Variants in C2orf72 observed in about 807,000 individuals in gnomAD.
The protein encoded by C2orf72 is chromosome 2 open reading frame 72.
Under a neutral mutation model 14.4 loss-of-function variants are expected in C2orf72, and 16 were observed. The ratio of observed to expected loss-of-function variants is 1.11; its 90% CI spans 0.75 to 1.69. The LOEUF (loss-of-function observed/expected upper bound fraction) is 1.69, where lower values mean the gene tolerates loss of function less well. Ranked by LOEUF, C2orf72 falls within the 40% of genes most tolerant of loss-of-function variation. The pLI is 0.00. For missense variants in C2orf72, 371 were observed against 358.3 expected (o/e 1.04, Z -0.29); for synonymous variants, 168 against 176.8 (o/e 0.95, Z 0.40).
Position 231,048,742 on chromosome 2 carries a change from C to G in C2orf72, c.*1721C>G, listed in dbSNP as rs1159073033. ...TTTTGGCAGTGGGCCTCATTTTAATCCTGCAGGGCTGCCTGCCAGTGGATC... is the reference window on the plus strand; with the variant it reads ...TTTTGGCAGTGGGCCTCATTTTAATGCTGCAGGGCTGCCTGCCAGTGGATC... On this transcript the variant is annotated 3_prime_UTR_variant, in exon 3 of 3. Coordinates refer to ENST00000373640, the MANE Select transcript of C2orf72 (RefSeq NM_001144994.2). The G allele has an allele frequency of 1.3e-5, 2 of 152,234 alleles. No individual in the cohort carries two copies. The highest frequency in any genetic ancestry group is 1.5e-5 in the Non-Finnish European group (1 of 68,058). 9.4% of individuals were successfully genotyped at this position (152,234 alleles called of 1,614,324 possible).
intron 2 of C2orf72, among the ~76,000 whole-genome samples, chr2:231,041,758 A>G (rs533770171): frequency 2.0e-5 from 3 of 152,126 alleles, no homozygotes; most frequent in African/African-American, 7.2e-5. Context: ...AGCAAGTGAT[A>G]TTTGATCCGG....
chr2:231,045,683 T>C (rs532639580), intron 2 of C2orf72, among the ~76,000 whole-genome samples: 79 of 152,110 alleles, frequency 5.2e-4, no homozygotes, highest in Non-Finnish European at 6.8e-4. Context: ...CACGCCCAGC[T>C]AATTTTTTGT....
At position 231,046,997 on chromosome 2, in the gene C2orf72, T is replaced by G. The variant is rs750372363; in HGVS notation, c.864T>G (p.Ala288=). The G allele has an allele frequency of 6.4e-7, 1 of 1,551,704 alleles. No homozygotes were observed. The highest frequency in any genetic ancestry group is 8.7e-7 in the Non-Finnish European group (1 of 1,146,984). Residue 288 remains alanine (A), a synonymous_variant, in exon 3 of 3, where the codon GCT becomes GCG. Transcript: ENST00000373640. ...GTGATGGAGTCGTACACACTCCTGC[T>G]GAGCCCACCGGAGACTCAAGATGAA... ...KACDGVVHTP[A]EPTGDSR
chr2:231,044,906 A>G (rs1404545602), intron 2 of C2orf72, among the ~76,000 whole-genome samples: 1 of 146,764 alleles, frequency 6.8e-6, no homozygotes, highest in Non-Finnish European at 1.5e-5. Context: ...AACTATATAT[A>G]TATATAAACT....
intron 2 of C2orf72, among the ~76,000 whole-genome samples, chr2:231,045,288 T>TAG (rs1559210034): frequency 2.0e-5 from 3 of 151,396 alleles, no homozygotes; most frequent in East Asian, 3.9e-4. Flanking sequence ...ATTTTATATA[T>TAG]ATAGAGAGAG....
intron 2 of C2orf72, among the ~76,000 whole-genome samples, chr2:231,046,201 G>T: frequency 6.6e-6 from 1 of 151,964 alleles, no homozygotes; most frequent in South Asian, 2.1e-4. Flanking sequence ...GTAACATTTT[G>T]CAAAACTATA....
At chr2:231,046,423 T>C (rs1400883454) in intron 2 of C2orf72, among the ~76,000 whole-genome samples, 2 of 151,976 alleles carry the variant, frequency 1.3e-5, no homozygotes, top group Admixed American at 6.6e-5. Context: ...ACCAGTCCCA[T>C]TGTTGGACAT....
Position 231,037,901 on chromosome 2 carries a change from C to A in C2orf72, c.336C>A (p.Arg112=). Residue 112 remains arginine, a synonymous_variant, in exon 1 of 3, where the codon CGC becomes CGA. Transcript: ENST00000373640. ...IRSPLVFVLC[R]ASSLAAREPR... The stretch of plus-strand genomic sequence containing the variant: ...CGCCGCTGGTCTTCGTGCTGTGCCG[C>A]GCGTCGTCGCTGGCCGCCCGGGAGC... The A allele has an allele frequency of 9.8e-7, 1 of 1,020,196 alleles. No individual in the cohort carries two copies. 63.2% of individuals were successfully genotyped at this position (1,020,196 alleles called of 1,614,324 possible).
At position 231,047,619 on chromosome 2, in the gene C2orf72, CAA is replaced by C. The variant is rs2125139764; in HGVS notation, c.*599_*600del. On this transcript the variant is annotated 3_prime_UTR_variant, in exon 3 of 3. Coordinates refer to ENST00000373640, the MANE Select transcript of C2orf72 (RefSeq NM_001144994.2). ...CCCCTGGCATCTAGTGGGCATCCCA[CAA>C]TGTGCAGAACAGTCTCTGACAGCAA... 4.5e-6 allele frequency: 1 copy of C among 222,726 alleles called. No individual in the cohort carries two copies. Among genetic ancestry groups the C allele is most frequent in the African/African-American group, 2.3e-5 (1 of 44,268 alleles). 13.8% of individuals were successfully genotyped at this position (222,726 alleles called of 1,614,324 possible). A position where few individuals can be genotyped will look rare whatever the true frequency, so the allele number is the denominator to read the frequency against.
chr2:231,043,576 A>G (rs1693372198), intron 2 of C2orf72, among the ~76,000 whole-genome samples: 1 of 152,232 alleles, frequency 6.6e-6, no homozygotes, highest in Non-Finnish European at 1.5e-5. Flanking sequence ...GATATTTAAA[A>G]TGTTTAATTG....
At chr2:231,044,977 A>T in intron 2 of C2orf72, among the ~76,000 whole-genome samples, 1 of 149,854 alleles carries the variant, frequency 6.7e-6, no homozygotes, top group Non-Finnish European at 1.5e-5. Flanking sequence ...ACACACACAC[A>T]TATAAGTAGA....
chr2:231,046,466 T>C (rs1693417510), intron 2 of C2orf72, among the ~76,000 whole-genome samples: 1 of 152,208 alleles, frequency 6.6e-6, no homozygotes, highest in Admixed American at 6.5e-5. Context: ...CAAGTAAAGA[T>C]ACCATGACAC....
At chr2:231,043,725 CAT>C (rs1693373804) in intron 2 of C2orf72, among the ~76,000 whole-genome samples, 1 of 152,080 alleles carries the variant, frequency 6.6e-6, no homozygotes, top group Non-Finnish European at 1.5e-5. Flanking sequence ...GTACAAATCT[CAT>C]ATAGAAGTGA....
intron 2 of C2orf72, among the ~76,000 whole-genome samples, chr2:231,042,792 G>T (rs907724322): frequency 6.6e-6 from 1 of 152,198 alleles, no homozygotes; most frequent in Non-Finnish European, 1.5e-5. Context: ...ATGACCTGAG[G>T]TCAGGAGTTC....
chr2:231,048,925 C>G lies in C2orf72; in HGVS notation c.*1904C>G, dbSNP rs1693454558. 1 of 152,112 alleles carries G rather than the reference C, an allele frequency of 6.6e-6. No individual in the cohort carries two copies. Among genetic ancestry groups the G allele is most frequent in the Non-Finnish European group, 1.5e-5 (1 of 68,016 alleles). 9.4% of individuals were successfully genotyped at this position (152,112 alleles called of 1,614,324 possible). ...TTTGTAATCATCTTATTAAAGTTTT[C>G]TTATTTAGTGGGAGAGGGAGCTTTG... On this transcript the variant is annotated 3_prime_UTR_variant, in exon 3 of 3. Transcript: ENST00000373640.
chr2:231,042,810 G>A lies in C2orf72; in HGVS notation c.748+1401G>A, dbSNP rs1693361365. Among the ~76,000 whole-genome samples the A allele has an allele frequency of 1.3e-5, 2 of 152,314 alleles. 1 individual carries two copies. Among genetic ancestry groups the A allele is most frequent in the Admixed American group, 1.3e-4 (2 of 15,296 alleles). On this transcript the variant is annotated intron_variant, in intron 2 of 2. Transcript: ENST00000373640. ...ACCTGAGGTCAGGAGTTCAAGCCCAGCCTGACCAACATGGTGAAACTCTAT... is the reference window on the plus strand; with the variant it reads ...ACCTGAGGTCAGGAGTTCAAGCCCAACCTGACCAACATGGTGAAACTCTAT...
rs1362029338 is a variant in C2orf72, at chr2:231,037,535, C to T, written c.-31C>T. ...GCGGGCAGCGGGTGCGCCCGGGCCG[C>T]GGCGGCCGCAGAGGGCGGGCGGCGG... On this transcript the variant is annotated 5_prime_UTR_variant, in exon 1 of 3. Transcript: ENST00000373640. The T allele has an allele frequency of 5.0e-6, 5 of 999,212 alleles. No individual in the cohort carries two copies. The highest frequency in any genetic ancestry group is 5.9e-6 in the Non-Finnish European group (5 of 840,998). 61.9% of individuals were successfully genotyped at this position (999,212 alleles called of 1,614,324 possible).
intron 2 of C2orf72, 133 bp downstream of exon 2, chr2:231,041,542 G>A (rs1321265310): frequency 9.2e-6 from 6 of 650,346 alleles, no homozygotes; most frequent in Non-Finnish European, 1.3e-5. Context: ...CCAGGTGTGG[G>A]GATGAGCAAT....
chr2:231,046,450 C>G (rs898328154), intron 2 of C2orf72, among the ~76,000 whole-genome samples: 2 of 152,116 alleles, frequency 1.3e-5, no homozygotes, highest in African/African-American at 4.8e-5. Flanking sequence ...GGGACACTTT[C>G]AACTGCAAGT....
Sources: allele counts gnomAD v4.1 joint callset (sites outside exome capture counted in the v4.1 genomes callset), GRCh38; gene constraint gnomAD v4.1.1; transcripts MANE v1.5; gene names NCBI Gene and HGNC (gene_info 2026-07-23, HGNC 2026-07-21).